Variants in NXPH1 observed in about 807,000 individuals in gnomAD.
NXPH1 encodes neurexophilin 1.
In NXPH1, 5 loss-of-function variants were observed where a neutral mutation model predicts 23.7. The ratio of observed to expected loss-of-function variants is 0.21; its 90% confidence interval spans 0.11 to 0.44. NXPH1 has a LOEUF of 0.44. Ranked by LOEUF, NXPH1 falls within the 20% of genes least tolerant of loss-of-function variation. The probability of loss-of-function intolerance (pLI) is 0.99; values close to 1 mark genes in which losing one functional copy is unlikely to be tolerated. For missense variants in NXPH1, 324 were observed against 321.6 expected (o/e 1.01, Z -0.06); for synonymous variants, 144 against 122.2 (o/e 1.18, Z -1.18).
intron 2 of NXPH1, among the ~76,000 whole-genome samples, chr7:8,683,392 A>T (rs1821088583): frequency 6.6e-6 from 1 of 152,162 alleles, no homozygotes; most frequent in Non-Finnish European, 1.5e-5. Flanking sequence ...AACACTCCTT[A>T]GTGTCTTAGA....
intron 2 of NXPH1, among the ~76,000 whole-genome samples, chr7:8,685,596 T>C (rs920577163): frequency 1.3e-5 from 2 of 152,170 alleles, no homozygotes; most frequent in African/African-American, 4.8e-5. Context: ...TTTGATATGC[T>C]GATTTCCTTT....
At position 8,690,549 on chromosome 7, in the gene NXPH1, A is replaced by G. The variant is rs185608582; in HGVS notation, c.55-60459A>G. On this transcript the variant is annotated intron_variant, in intron 2 of 2. Transcript: ENST00000405863. ...TACTAATGAATACAGGGAATTAATG[A>G]TATCAACAAACATTTCAGCATAGAT... 1.8e-3 allele frequency among the ~76,000 whole-genome samples: 271 copies of G among 152,376 alleles called. 2 individuals are homozygous for G. The highest frequency in any genetic ancestry group is 0.014 in the Middle Eastern group (4 of 294).
intron 2 of NXPH1, among the ~76,000 whole-genome samples, chr7:8,546,493 G>C (rs900596415): frequency 6.6e-6 from 1 of 151,308 alleles, no homozygotes; most frequent in African/African-American, 2.4e-5. Flanking sequence ...GAGTCACTGA[G>C]TGTTCTTATT....
chr7:8,457,917 G>C (rs1006586141), intron 2 of NXPH1, among the ~76,000 whole-genome samples: 2 of 152,138 alleles, frequency 1.3e-5, no homozygotes, highest in African/African-American at 4.8e-5. Context: ...AAGAACCAAG[G>C]CCAGGAATGG....
At chr7:8,699,847 A>C (rs112993377) in intron 2 of NXPH1, among the ~76,000 whole-genome samples, 74 of 152,242 alleles carry the variant, frequency 4.9e-4, no homozygotes, top group African/African-American at 1.8e-3. Flanking sequence ...CTTGCTCTTC[A>C]TGGTGATTTG....
chr7:8,617,454 C>A (rs74802210), intron 2 of NXPH1, among the ~76,000 whole-genome samples: 1 of 151,974 alleles, frequency 6.6e-6, no homozygotes, highest in East Asian at 1.9e-4. Context: ...TATATATATA[C>A]AATGGAGTAC....
At chr7:8,695,601 C>A (rs1013048946) in intron 2 of NXPH1, among the ~76,000 whole-genome samples, 1 of 152,208 alleles carries the variant, frequency 6.6e-6, no homozygotes, top group Admixed American at 6.5e-5. Context: ...AGATATGAAC[C>A]ATTTCAGCCT....
intron 2 of NXPH1, among the ~76,000 whole-genome samples, chr7:8,604,199 T>A (rs1819426250): frequency 6.6e-6 from 1 of 152,168 alleles, no homozygotes; most frequent in Non-Finnish European, 1.5e-5. Context: ...ATATAAGAAG[T>A]GATTGGGATT....
At chr7:8,728,680 G>C (rs1010880527) in intron 2 of NXPH1, among the ~76,000 whole-genome samples, 44 of 151,694 alleles carry the variant, frequency 2.9e-4, no homozygotes, top group African/African-American at 8.9e-4. Flanking sequence ...TGCATCCCAG[G>C]GATGAAGCCC....
chr7:8,670,535 C>T (rs1274695263), intron 2 of NXPH1, among the ~76,000 whole-genome samples: 2 of 152,118 alleles, frequency 1.3e-5, no homozygotes, highest in African/African-American at 4.8e-5. Context: ...TTTCTGCCAA[C>T]ATGTCCAAGT....
chr7:8,465,939 G>A (rs1418672235), intron 2 of NXPH1, among the ~76,000 whole-genome samples: 1 of 152,170 alleles, frequency 6.6e-6, no homozygotes, highest in African/African-American at 2.4e-5. Flanking sequence ...GTACTGCAAA[G>A]TCTCTAATTC....
At chr7:8,598,351 A>G (rs1027252976) in intron 2 of NXPH1, among the ~76,000 whole-genome samples, 2 of 152,114 alleles carry the variant, frequency 1.3e-5, no homozygotes. Flanking sequence ...AAAATGCTTG[A>G]TAAGTTGTTA....
intron 2 of NXPH1, among the ~76,000 whole-genome samples, chr7:8,536,405 C>CTGT (rs150720378): frequency 6.6e-6 from 1 of 152,080 alleles, no homozygotes; most frequent in East Asian, 1.9e-4. Flanking sequence ...TAGCAATGTC[C>CTGT]TGTTGTTGTT....
intron 2 of NXPH1, among the ~76,000 whole-genome samples, chr7:8,615,103 G>A (rs1459227439): frequency 1.3e-5 from 2 of 151,876 alleles, no homozygotes; most frequent in African/African-American, 2.4e-5. Context: ...ACTGTATGAC[G>A]CTGATTGGAA....
chr7:8,698,148 C>G (rs913395930), intron 2 of NXPH1, among the ~76,000 whole-genome samples: 1 of 152,134 alleles, frequency 6.6e-6, no homozygotes, highest in East Asian at 1.9e-4. Flanking sequence ...AAATACTGGA[C>G]GTCTTACAAT....
chr7:8,619,329 T>G (rs1480250326), intron 2 of NXPH1, among the ~76,000 whole-genome samples: 1 of 152,220 alleles, frequency 6.6e-6, no homozygotes, highest in Non-Finnish European at 1.5e-5. Context: ...TGCAGTCTGC[T>G]TCTATTCTCT....
At chr7:8,593,492 G>A (rs1382189968) in intron 2 of NXPH1, among the ~76,000 whole-genome samples, 2 of 151,820 alleles carry the variant, frequency 1.3e-5, no homozygotes, top group Non-Finnish European at 2.9e-5. Context: ...CTTCCCTTGT[G>A]GAATAAATTG....
chr7:8,498,964 G>C (rs1231737133), intron 2 of NXPH1, among the ~76,000 whole-genome samples: 1 of 152,024 alleles, frequency 6.6e-6, no homozygotes, highest in Non-Finnish European at 1.5e-5. Flanking sequence ...TGTAACATTT[G>C]AGTATAAAGT....
At chr7:8,465,769 C>T (rs150658763) in intron 2 of NXPH1, among the ~76,000 whole-genome samples, 163 of 152,330 alleles carry the variant, frequency 1.1e-3, no homozygotes, top group Non-Finnish European at 2.1e-3. Context: ...CCCTAGACCT[C>T]ACTTAGCAAT....
Sources: gnomAD v4.1 joint callset for allele counts (sites outside exome capture counted in the v4.1 genomes callset) on GRCh38, gnomAD v4.1.1 for gene constraint, MANE v1.5 for transcripts, NCBI Gene and HGNC (gene_info 2026-07-23, HGNC 2026-07-21) for gene names.